The following BRMS1L variants were observed in gnomAD, a reference collection of about 807,000 sequenced individuals.
BRMS1L encodes breast cancer metastasis-suppressor 1-like protein.
A neutral mutation model predicts 50.3 loss-of-function variants in BRMS1L; 23 were observed. That is an observed-to-expected ratio of 0.46 (90% CI 0.33 to 0.65). The LOEUF is 0.65. Ranked by LOEUF, BRMS1L falls within the 30% of genes least tolerant of loss-of-function variation. The pLI, the probability that BRMS1L is intolerant of heterozygous loss-of-function variation, is 0.02. For synonymous variants in BRMS1L, 114 were observed against 126.9 expected (o/e 0.90, Z 0.69); for missense variants, 286 against 386.1 (o/e 0.74, Z 2.17).
chr14:35,829,766 A>G, intron 1 of BRMS1L: 1 of 1,025,878 alleles, frequency 9.7e-7, no homozygotes. Flanking sequence ...TATAAAAATA[A>G]TTGAACATGA....
intron 4 of BRMS1L, among the ~76,000 whole-genome samples, chr14:35,852,990 G>GTATCTATCTATCTATCAATC (rs572748526): frequency 7.1e-4 from 105 of 148,842 alleles, no homozygotes; most frequent in African/African-American, 2.6e-3. Context: ...CTTTATATCT[G>GTATCTATCTATCTATCAATC]TATCTATCTA....
chr14:35,847,732 G>GGCA (rs2078155874), intron 4 of BRMS1L, among the ~76,000 whole-genome samples: 1 of 152,004 alleles, frequency 6.6e-6, no homozygotes, highest in African/African-American at 2.4e-5. Flanking sequence ...TTCCCCCTCC[G>GGCA]CCACACCTGG....
At position 35,863,761 on chromosome 14, in the gene BRMS1L, GT is replaced by G. The variant is rs1308354164; in HGVS notation, c.539-103del. The G allele has an allele frequency of 1.4e-5, 13 of 939,292 alleles. No individual in the cohort carries two copies. The Admixed American group carries it at 2.3e-4, about 16-fold the overall frequency. The allele number at this position is 939,292 out of a possible 1,614,324, so 58.2% of individuals were successfully genotyped here. A position where few individuals can be genotyped will look rare whatever the true frequency, so the allele number is the denominator to read the frequency against. ...CTATATATACCCAGCTGCCAATGAA[GT>G]TTTTTACGTTTTTACATGTAACTAA... On this transcript the variant is annotated intron_variant, in intron 5 of 9. Coordinates refer to ENST00000216807, the MANE Select transcript of BRMS1L (RefSeq NM_032352.4).
At chr14:35,840,639 T>A (rs1363061787) in intron 4 of BRMS1L, among the ~76,000 whole-genome samples, 3 of 152,192 alleles carry the variant, frequency 2.0e-5, no homozygotes, top group Non-Finnish European at 4.4e-5. Flanking sequence ...TCTTCTAGAT[T>A]TTCTAGTTTA....
At chr14:35,865,130 A>T in intron 7 of BRMS1L, 131 bp downstream of exon 7, 1 of 582,326 alleles carries the variant, frequency 1.7e-6, no homozygotes, top group Non-Finnish European at 2.9e-6. Context: ...TTCTAAGGCA[A>T]TTTAATACTA....
rs2078488520 is a variant in BRMS1L at position 35,871,285 on chromosome 14, T to C, written c.*808T>C. On this transcript the variant is annotated 3_prime_UTR_variant, in exon 10 of 10. Transcript: ENST00000216807. The stretch of plus-strand genomic sequence containing the variant: ...TATTGTGCTTGCTGTACATGTCTGG[T>C]CTTTTGAAACAGATTTTAGTAAGCA... 6.6e-6 allele frequency: 1 copy of C among 152,654 alleles called. No individual in the cohort carries two copies. Among genetic ancestry groups the C allele is most frequent in the Non-Finnish European group, 1.5e-5 (1 of 68,038 alleles). The allele number at this position is 152,654 out of a possible 1,614,324, so 9.5% of individuals were successfully genotyped here.
intron 4 of BRMS1L, among the ~76,000 whole-genome samples, chr14:35,849,456 T>G (rs2078180311): frequency 6.6e-6 from 1 of 151,404 alleles, no homozygotes; most frequent in Non-Finnish European, 1.5e-5. Flanking sequence ...CCTGGCTAGT[T>G]TTATTTTATT....
At position 35,833,090 on chromosome 14, in the gene BRMS1L, C is replaced by T. The variant is rs1333187829; in HGVS notation, c.346C>T (p.Arg116Cys). Residue 116 changes from arginine (R) to cysteine (C), a missense_variant, in exon 3 of 10, where the codon CGT becomes TGT. Arg to Cys is a radical substitution (Grantham distance 180, BLOSUM62 -3). Around this residue, in one of 5 missense-constraint regions of BRMS1L, gnomAD observed 160 missense variants for 240.6 expected, o/e 0.66. Transcript: ENST00000216807. Reference protein sequence around the residue: ...LATLQENMQIRTKVAGIYREL... With the variant: ...LATLQENMQICTKVAGIYREL... The stretch of plus-strand genomic sequence containing the variant: ...AACTTTACAGGAAAATATGCAAATT[C>T]GTACAAAGGTAGCAGGTAGGAAAGT... 5 of 1,612,032 alleles carry T rather than the reference C, an allele frequency of 3.1e-6. No homozygotes were observed. The highest frequency in any genetic ancestry group is 4.2e-6 in the Non-Finnish European group (5 of 1,178,926).
intron 4 of BRMS1L, 66 bp from the exon 5 acceptor site, chr14:35,862,524 G>A: frequency 2.1e-6 from 2 of 945,148 alleles, no homozygotes; most frequent in Non-Finnish European, 1.5e-6. Context: ...AAGTTATTTG[G>A]TACTCTTAGT....
rs2077917574 is a variant in BRMS1L, at chr14:35,831,448, T to A, written c.181T>A (p.Cys61Ser). 6.2e-7 allele frequency: 1 copy of A among 1,613,866 alleles called. No individual in the cohort carries two copies. The highest frequency in any genetic ancestry group is 1.7e-5 in the Admixed American group (1 of 59,986). The change falls in exon 2 of 10, where the codon TGT becomes AGT. Residue 61 changes from cysteine to serine, a missense_variant. Cys to Ser is a moderately radical substitution (Grantham distance 112). This residue lies in a region of BRMS1L where 4 missense variants were observed against 19.4 expected (regional missense o/e 0.21). Coordinates refer to ENST00000216807, the MANE Select transcript of BRMS1L (RefSeq NM_032352.4). ...DEDCERRRME[C>S]LDEMSNLEKQ... Reference sequence around the variant, plus strand: ...AGACTGTGAAAGAAGAAGAATGGAATGTTTGGATGAAATGTCCAATCTTGA... The same window carrying A: ...AGACTGTGAAAGAAGAAGAATGGAAAGTTTGGATGAAATGTCCAATCTTGA...
chr14:35,852,148 A>G (rs923531329), intron 4 of BRMS1L, among the ~76,000 whole-genome samples: 3 of 152,126 alleles, frequency 2.0e-5, no homozygotes, highest in African/African-American at 4.8e-5. Context: ...TGTTTTTTCT[A>G]TTTCTGTAAA....
intron 8 of BRMS1L, 69 bp from the exon 9 acceptor site, chr14:35,867,837 A>G (rs2078441114): frequency 1.4e-6 from 2 of 1,432,956 alleles, no homozygotes; most frequent in Admixed American, 2.6e-5. Context: ...GTTAATTGTT[A>G]ATGTTCTGAC....
intron 4 of BRMS1L, among the ~76,000 whole-genome samples, chr14:35,843,075 C>T (rs754303639): frequency 2.0e-5 from 3 of 152,144 alleles, no homozygotes; most frequent in African/African-American, 4.8e-5. Context: ...TTAGCAGTTC[C>T]TGTAGCCTTT....
chr14:35,852,874 T>A (rs1442089458), intron 4 of BRMS1L, among the ~76,000 whole-genome samples: 3 of 151,794 alleles, frequency 2.0e-5, no homozygotes, highest in African/African-American at 7.3e-5. Context: ...AAGCTTGCAG[T>A]GAGCCGAGAT....
At position 35,846,725 on chromosome 14, in the gene BRMS1L, T is replaced by C. The variant is rs73237249; in HGVS notation, c.441+11802T>C. 3.1e-3 allele frequency among the ~76,000 whole-genome samples: 471 copies of C among 152,356 alleles called. 2 individuals are homozygous for C. Among genetic ancestry groups the C allele is most frequent in the African/African-American group, 0.011 (441 of 41,588 alleles). ...TATTGGTGATATCCACTTTGATCAC[T>C]TGATTTAAGTGATGTCTTCCAGTTT... is the stretch of plus-strand genomic sequence containing the variant. On this transcript the variant is annotated intron_variant, in intron 4 of 9. Coordinates refer to ENST00000216807, the MANE Select transcript of BRMS1L (RefSeq NM_032352.4).
intron 4 of BRMS1L, among the ~76,000 whole-genome samples, chr14:35,837,728 T>TA (rs1177598013): frequency 4.6e-5 from 7 of 152,066 alleles, no homozygotes; most frequent in Non-Finnish European, 8.8e-5. Context: ...TTCTTTTTTG[T>TA]ATTTTTAGTA....
Position 35,865,018 on chromosome 14 carries a change from G to A in BRMS1L, c.687+19G>A. ...TAGGAAGGTATGATTAATGAGCAGT[G>A]GAACACAAGTATGTTTTTATAGTCT... On this transcript the variant is annotated intron_variant, in intron 7 of 9. Transcript: ENST00000216807. The A allele has an allele frequency of 6.7e-7, 1 of 1,500,808 alleles. No homozygotes were observed. 93.0% of individuals were successfully genotyped at this position (1,500,808 alleles called of 1,614,324 possible).
At chr14:35,841,563 C>T (rs773033559) in intron 4 of BRMS1L, among the ~76,000 whole-genome samples, 5 of 152,178 alleles carry the variant, frequency 3.3e-5, no homozygotes, top group Non-Finnish European at 7.3e-5. Context: ...TCCCAAACTG[C>T]TGGGATTACA....
At chr14:35,865,270 C>A (rs2078406524) in intron 7 of BRMS1L, among the ~76,000 whole-genome samples, 1 of 152,044 alleles carries the variant, frequency 6.6e-6, no homozygotes, top group Non-Finnish European at 1.5e-5. Flanking sequence ...TTTAGTCTGC[C>A]CAAAAATAAT....
Sources: allele counts gnomAD v4.1 joint callset (sites outside exome capture counted in the v4.1 genomes callset), GRCh38; gene constraint gnomAD v4.1.1; regional missense constraint gnomAD v4.1.1; transcripts MANE v1.5; gene names NCBI Gene and HGNC (gene_info 2026-07-23, HGNC 2026-07-21).